Variants in RBFOX1 observed in about 807,000 individuals in gnomAD.
RBFOX1 encodes the protein RNA binding fox-1 homolog 1.
RBFOX1 carries 8 observed loss-of-function variants against 57.7 expected under a neutral mutation model. The ratio of observed to expected loss-of-function variants is 0.14; its 90% CI spans 0.08 to 0.25. RBFOX1 has a LOEUF of 0.25. Among genes scored for constraint, RBFOX1 ranks in the 10% least tolerant of loss-of-function variants. The pLI, the probability that RBFOX1 is intolerant of heterozygous loss-of-function variation, is 1.00. For missense variants in RBFOX1, 611 were observed against 548.5 expected (o/e 1.11, Z -1.14); for synonymous variants, 326 against 222.4 (o/e 1.47, Z -4.15).
chr16:6,582,936 TC>T (rs2097557381), intron 2 of RBFOX1, among the ~76,000 whole-genome samples: 2 of 151,024 alleles, frequency 1.3e-5, no homozygotes, highest in South Asian at 4.2e-4. Context: ...TCCCCTCCCC[TC>T]CCCTCCTCTT....
chr16:6,460,859 G>A (rs1270004930), intron 2 of RBFOX1, among the ~76,000 whole-genome samples: 1 of 146,104 alleles, frequency 6.8e-6, no homozygotes, highest in African/African-American at 2.5e-5. Context: ...CAACCTAAAT[G>A]CCCATCAATG....
intron 4 of RBFOX1, among the ~76,000 whole-genome samples, chr16:7,334,915 A>G (rs976310264): frequency 6.6e-6 from 1 of 152,338 alleles, no homozygotes; most frequent in African/African-American, 2.4e-5. Context: ...CTAGTTACCC[A>G]TAAGTTAGGA....
intron 3 of RBFOX1, among the ~76,000 whole-genome samples, chr16:5,672,857 GTGTGT>G (rs1567377789): frequency 0.038 from 261 of 6,912 alleles, 1 homozygote; most frequent in South Asian, 0.11. Context: ...CACCGTAGGT[GTGTGT>G]GTGTGTGTGT....
At chr16:7,280,444 C>T (rs2095519107) in intron 4 of RBFOX1, among the ~76,000 whole-genome samples, 1 of 152,146 alleles carries the variant, frequency 6.6e-6, no homozygotes, top group Non-Finnish European at 1.5e-5. Flanking sequence ...TCACCTTTGT[C>T]CAAAGAGAAT....
At chr16:5,694,402 A>T (rs1417678410) in intron 3 of RBFOX1, among the ~76,000 whole-genome samples, 1 of 152,140 alleles carries the variant, frequency 6.6e-6, no homozygotes, top group East Asian at 1.9e-4. Context: ...AGCAGTTGAG[A>T]TTTCCTGAGT....
intron 1 of RBFOX1, among the ~76,000 whole-genome samples, chr16:5,466,509 C>G (rs1346059461): frequency 2.0e-5 from 3 of 152,162 alleles, no homozygotes; most frequent in Non-Finnish European, 4.4e-5. Context: ...AGAGTGAGGT[C>G]TTCCTCAAGG....
chr16:6,836,532 C>A (rs1024268069), intron 3 of RBFOX1, among the ~76,000 whole-genome samples: 1 of 152,146 alleles, frequency 6.6e-6, no homozygotes, highest in Non-Finnish European at 1.5e-5. Context: ...TAGGGTATGA[C>A]CACGAATGAC....
intron 4 of RBFOX1, among the ~76,000 whole-genome samples, chr16:7,158,987 A>G (rs2077720181): frequency 6.6e-6 from 1 of 152,058 alleles, no homozygotes; most frequent in Admixed American, 6.6e-5. Flanking sequence ...CCATCACCAC[A>G]AGGATCCCTC....
rs1207868392 is a variant in RBFOX1, at chr16:5,559,738, G to A, written c.259-39164G>A. Among the ~76,000 whole-genome samples, 10 of 152,200 alleles carry A rather than the reference G, an allele frequency of 6.6e-5. No individual in the cohort carries two copies. The East Asian group carries it at 9.7e-4, about 15-fold the overall frequency. Reference sequence around the variant, plus strand: ...CCTAGGTCATTCTGTCTTGTGCAACGTTAAAAAGTCTTCAGTGATAACCAC... The same window carrying A: ...CCTAGGTCATTCTGTCTTGTGCAACATTAAAAAGTCTTCAGTGATAACCAC... On this transcript the variant is annotated intron_variant, in intron 2 of 2. Transcript: ENST00000585867.
chr16:6,780,097 ATTTT>A (rs1567212742), intron 3 of RBFOX1, among the ~76,000 whole-genome samples: 7 of 31,172 alleles, frequency 2.2e-4, no homozygotes, highest in Non-Finnish European at 2.7e-4. Flanking sequence ...ATATTTATAT[ATTTT>A]TATATATTTA....
chr16:5,383,280 TG>T (rs1202746068), intron 1 of RBFOX1, among the ~76,000 whole-genome samples: 7 of 151,948 alleles, frequency 4.6e-5, no homozygotes, highest in Admixed American at 4.6e-4. Context: ...CCCACTGGTG[TG>T]GGGAAAAGGT....
chr16:7,380,005 C>T (rs914996649), intron 4 of RBFOX1, among the ~76,000 whole-genome samples: 6 of 152,240 alleles, frequency 3.9e-5, no homozygotes, highest in African/African-American at 1.4e-4. Flanking sequence ...AGGCACACAC[C>T]ACCAAACCTT....
intron 2 of RBFOX1, among the ~76,000 whole-genome samples, chr16:5,568,272 C>G (rs897757639): frequency 3.3e-5 from 5 of 152,210 alleles, no homozygotes; most frequent in African/African-American, 1.2e-4. Flanking sequence ...AGTCCCACCT[C>G]CTTGCCTTTG....
chr16:6,478,229 T>G (rs919408274), intron 2 of RBFOX1, among the ~76,000 whole-genome samples: 77 of 148,144 alleles, frequency 5.2e-4, no homozygotes, highest in African/African-American at 1.8e-3. Context: ...CCCAGCTTTT[T>G]TTTTTTTTTT....
At chr16:5,318,488 T>A (rs552577104) in intron 1 of RBFOX1, among the ~76,000 whole-genome samples, 14 of 152,276 alleles carry the variant, frequency 9.2e-5, no homozygotes, top group Admixed American at 4.6e-4. Flanking sequence ...GTTTGCCCAC[T>A]AAGAGTAAAT....
chr16:6,966,176 CT>C (rs2084109389), intron 3 of RBFOX1, among the ~76,000 whole-genome samples: 2 of 152,224 alleles, frequency 1.3e-5, no homozygotes, highest in South Asian at 4.1e-4. Context: ...TTGCCAGAGG[CT>C]TCCTATCTCT....
intron 2 of RBFOX1, among the ~76,000 whole-genome samples, chr16:5,562,506 G>A (rs2045925090): frequency 6.6e-6 from 1 of 151,984 alleles, no homozygotes; most frequent in African/African-American, 2.4e-5. Flanking sequence ...AGAAGAAGGG[G>A]GAGGACCTGG....
chr16:6,976,984 A>T (rs556330371), intron 3 of RBFOX1, among the ~76,000 whole-genome samples: 1 of 147,318 alleles, frequency 6.8e-6, no homozygotes, highest in South Asian at 2.1e-4. Context: ...CACATATCAT[A>T]TATATCACAT....
At chr16:6,723,344 G>A (rs1172472353) in intron 3 of RBFOX1, among the ~76,000 whole-genome samples, 1 of 151,998 alleles carries the variant, frequency 6.6e-6, no homozygotes, top group Admixed American at 6.5e-5. Context: ...AGCATAGGCA[G>A]GTTATAACAT....
Sources: gnomAD v4.1 joint callset for allele counts (sites outside exome capture counted in the v4.1 genomes callset) on GRCh38, gnomAD v4.1.1 for gene constraint, MANE v1.5 for transcripts, NCBI Gene and HGNC (gene_info 2026-07-23, HGNC 2026-07-21) for gene names.